Variants in CHST11 observed in about 807,000 individuals in gnomAD.
CHST11 encodes C4S-1.
Under a neutral mutation model 30.4 loss-of-function variants are expected in CHST11, and 9 were observed. The observed-to-expected ratio is 0.30, with a 90% CI of 0.18 to 0.52. The LOEUF is 0.52. Among genes scored for constraint, CHST11 ranks in the 20% least tolerant of loss-of-function variants. The pLI is 0.97. For synonymous variants in CHST11, 152 were observed against 187.8 expected (o/e 0.81, Z 1.56); for missense variants, 348 against 460.6 (o/e 0.76, Z 2.24).
chr12:104,497,301 A>C (rs1403832008), intron 1 of CHST11, among the ~76,000 whole-genome samples: 1 of 152,284 alleles, frequency 6.6e-6, no homozygotes, highest in East Asian at 1.9e-4. Flanking sequence ...AAGAAGAGAA[A>C]ATTTGGATGC....
intron 1 of CHST11, among the ~76,000 whole-genome samples, chr12:104,500,281 T>G (rs1291209794): frequency 1.3e-5 from 2 of 152,236 alleles, no homozygotes; most frequent in Non-Finnish European, 2.9e-5. Flanking sequence ...TCTGGCAGCC[T>G]TGGTGCTTGC....
Position 104,525,142 on chromosome 12 carries a change from A to G in CHST11, c.118+67613A>G, listed in dbSNP as rs1362895627. 2.0e-5 allele frequency among the ~76,000 whole-genome samples: 3 copies of G among 146,982 alleles called. No homozygotes were observed. In the Admixed American group the frequency reaches 2.1e-4, roughly 10 times the overall value. On this transcript the variant is annotated intron_variant, in intron 1 of 2. Coordinates refer to ENST00000303694, the MANE Select transcript of CHST11 (RefSeq NM_018413.6). ...TTTTTTAAGAGACAGTCTCAGTTAC[A>G]TAGGCTGGAATGCAGTATCATGATC...
chr12:104,535,661 G>A (rs947438530), intron 1 of CHST11, among the ~76,000 whole-genome samples: 8 of 152,306 alleles, frequency 5.3e-5, no homozygotes, highest in South Asian at 2.1e-4. Flanking sequence ...TGGGTACACC[G>A]AGCAGAAGGG....
intron 1 of CHST11, among the ~76,000 whole-genome samples, chr12:104,569,661 C>T (rs2038604173): frequency 6.6e-6 from 1 of 152,132 alleles, no homozygotes; most frequent in Non-Finnish European, 1.5e-5. Flanking sequence ...ATTTGGGGCC[C>T]AGATTCTAGG....
intron 2 of CHST11, among the ~76,000 whole-genome samples, chr12:104,628,042 G>A (rs1282488821): frequency 2.6e-5 from 4 of 152,202 alleles, no homozygotes; most frequent in Non-Finnish European, 5.9e-5. Context: ...GCATGTGATA[G>A]CAGCGGGAGG....
chr12:104,575,197 A>C (rs1349499732), intron 1 of CHST11, among the ~76,000 whole-genome samples: 1 of 152,124 alleles, frequency 6.6e-6, no homozygotes, highest in African/African-American at 2.4e-5. Context: ...TGTCTCAAAA[A>C]AAAAAAAAGA....
At chr12:104,723,037 G>A (rs921293086) in intron 2 of CHST11, among the ~76,000 whole-genome samples, 1 of 152,084 alleles carries the variant, frequency 6.6e-6, no homozygotes, top group Non-Finnish European at 1.5e-5. Context: ...ACTTACCCCA[G>A]ACAGGAGCCT....
chr12:104,601,633 C>T (rs2038957734), intron 1 of CHST11, among the ~76,000 whole-genome samples: 1 of 152,202 alleles, frequency 6.6e-6, no homozygotes, highest in Non-Finnish European at 1.5e-5. Context: ...TTTCAATGAG[C>T]TTTAGATGCC....
intron 2 of CHST11, among the ~76,000 whole-genome samples, chr12:104,686,805 G>A (rs910301136): frequency 2.8e-4 from 43 of 151,892 alleles, no homozygotes; most frequent in Admixed American, 8.5e-4. Flanking sequence ...CCGCCACCAC[G>A]CCTGGCTAAT....
intron 1 of CHST11, among the ~76,000 whole-genome samples, chr12:104,551,713 G>C (rs2038406955): frequency 6.6e-6 from 1 of 152,102 alleles, no homozygotes; most frequent in African/African-American, 2.4e-5. Flanking sequence ...AAGTTGTGTG[G>C]GTTTGATAGC....
intron 1 of CHST11, among the ~76,000 whole-genome samples, chr12:104,493,422 CATT>C (rs146586078): frequency 0.076 from 11,505 of 152,292 alleles, 471 homozygotes; most frequent in Middle Eastern, 0.12. Context: ...GTACACCTGT[CATT>C]CCCTTAACAG....
At chr12:104,571,606 A>G (rs376296551) in intron 1 of CHST11, among the ~76,000 whole-genome samples, 2 of 152,314 alleles carry the variant, frequency 1.3e-5, no homozygotes. Context: ...TCACCACACA[A>G]GAGGAAGTGG....
At chr12:104,716,874 TTCTGGGGCTCAGAAA>T (rs2040135653) in intron 2 of CHST11, among the ~76,000 whole-genome samples, 1 of 152,252 alleles carries the variant, frequency 6.6e-6, no homozygotes, top group African/African-American at 2.4e-5. Context: ...TATCTTATGG[TTCTGGGGCTCAGAAA>T]TCTGATGTGG....
At position 104,759,833 on chromosome 12, in the gene CHST11, C is replaced by G. The variant is rs560039151; in HGVS notation, c.*2030C>G. 2 of 152,134 alleles carry G rather than the reference C, an allele frequency of 1.3e-5. No homozygotes were observed. Among genetic ancestry groups the G allele is most frequent in the Non-Finnish European group, 2.9e-5 (2 of 68,024 alleles). 9.4% of individuals were successfully genotyped at this position (152,134 alleles called of 1,614,324 possible). On this transcript the variant is annotated 3_prime_UTR_variant, in exon 3 of 3. Transcript: ENST00000303694. ...GGGTAGAGTGACAGACCTTGGCTGT[C>G]CCTGGAATTGAGAATCTGGACCTTA...
At chr12:104,753,717 A>G (rs1283664876) in intron 2 of CHST11, among the ~76,000 whole-genome samples, 1 of 152,218 alleles carries the variant, frequency 6.6e-6, no homozygotes, top group Non-Finnish European at 1.5e-5. Context: ...ACTGGGCTCT[A>G]CCCAACATTA....
intron 1 of CHST11, among the ~76,000 whole-genome samples, chr12:104,526,301 T>A (rs2038125139): frequency 6.6e-6 from 1 of 152,214 alleles, no homozygotes; most frequent in Non-Finnish European, 1.5e-5. Context: ...TTCTACATAC[T>A]GTTTATAGAG....
chr12:104,644,197 C>T (rs369625156), intron 2 of CHST11, among the ~76,000 whole-genome samples: 67 of 152,270 alleles, frequency 4.4e-4, no homozygotes, highest in African/African-American at 1.5e-3. Flanking sequence ...ACCCTCCCAG[C>T]GTGCACCTCC....
intron 1 of CHST11, among the ~76,000 whole-genome samples, chr12:104,533,510 A>G (rs2038206207): frequency 6.6e-6 from 1 of 152,220 alleles, no homozygotes; most frequent in Non-Finnish European, 1.5e-5. Flanking sequence ...GATGATTACT[A>G]AAATGGAGAC....
intron 1 of CHST11, among the ~76,000 whole-genome samples, chr12:104,526,302 GT>G (rs1185334960): frequency 6.6e-6 from 1 of 152,072 alleles, no homozygotes; most frequent in Non-Finnish European, 1.5e-5. Flanking sequence ...TCTACATACT[GT>G]TTATAGAGGC....
Sources: gnomAD v4.1 joint callset for allele counts (sites outside exome capture counted in the v4.1 genomes callset) on GRCh38, gnomAD v4.1.1 for gene constraint, MANE v1.5 for transcripts, NCBI Gene and HGNC (gene_info 2026-07-23, HGNC 2026-07-21) for gene names.